Variants in CDH4 observed in about 807,000 individuals in gnomAD.
CDH4 encodes the protein cadherin 4.
In CDH4, 33 loss-of-function variants were observed where a neutral mutation model predicts 86.0. That is an observed-to-expected ratio of 0.38 (90% CI 0.29 to 0.51). CDH4 has a LOEUF of 0.51. Among genes scored for constraint, CDH4 ranks in the 20% least tolerant of loss-of-function variants. The pLI is 0.86. For synonymous variants in CDH4, 555 were observed against 549.4 expected (o/e 1.01, Z -0.14); for missense variants, 1,114 against 1,307.4 (o/e 0.85, Z 2.28).
intron 13 of CDH4, among the ~76,000 whole-genome samples, chr20:61,932,489 TAC>T (rs1466451951): frequency 4.6e-5 from 7 of 151,926 alleles, no homozygotes; most frequent in Admixed American, 6.5e-5. Context: ...CCCATGAGCA[TAC>T]ACAGACACAC....
At chr20:61,387,699 C>T (rs2084959675) in intron 2 of CDH4, among the ~76,000 whole-genome samples, 2 of 152,342 alleles carry the variant, frequency 1.3e-5, no homozygotes, top group South Asian at 4.1e-4. Context: ...ATCACAGTGG[C>T]TCGTGGCTCA....
intron 2 of CDH4, among the ~76,000 whole-genome samples, chr20:61,650,267 A>C (rs2087107510): frequency 6.6e-6 from 1 of 152,060 alleles, no homozygotes; most frequent in Non-Finnish European, 1.5e-5. Context: ...GTCACCGCTG[A>C]CCTCGTTTAC....
At chr20:61,629,337 G>A (rs1010210595) in intron 2 of CDH4, among the ~76,000 whole-genome samples, 29 of 152,296 alleles carry the variant, frequency 1.9e-4, no homozygotes, top group African/African-American at 5.8e-4. Context: ...GGGAGCAGCC[G>A]GCAGGGAGAG....
chr20:61,735,705 C>T (rs897399163), intron 2 of CDH4, among the ~76,000 whole-genome samples: 5 of 152,222 alleles, frequency 3.3e-5, no homozygotes, highest in Non-Finnish European at 5.9e-5. Flanking sequence ...CCGTGGCTAA[C>T]GGGTCTTTGC....
intron 2 of CDH4, among the ~76,000 whole-genome samples, chr20:61,731,920 G>A (rs1005608451): frequency 1.3e-5 from 2 of 152,066 alleles, no homozygotes; most frequent in Non-Finnish European, 2.9e-5. Context: ...AACCCAGGTT[G>A]CCCCACCTGC....
chr20:61,488,152 G>T (rs1161032175), intron 2 of CDH4, among the ~76,000 whole-genome samples: 1 of 152,144 alleles, frequency 6.6e-6, no homozygotes, highest in African/African-American at 2.4e-5. Flanking sequence ...ATCTAACATC[G>T]CCGAGGAAGG....
At chr20:61,506,714 C>T (rs1360227511) in intron 2 of CDH4, among the ~76,000 whole-genome samples, 3 of 152,128 alleles carry the variant, frequency 2.0e-5, no homozygotes, top group African/African-American at 4.8e-5. Flanking sequence ...AGCGTAGGGT[C>T]GACCTGCACG....
intron 2 of CDH4, among the ~76,000 whole-genome samples, chr20:61,578,451 T>A (rs1191109435): frequency 6.6e-6 from 1 of 152,236 alleles, no homozygotes; most frequent in African/African-American, 2.4e-5. Flanking sequence ...TTTTCTCACG[T>A]CCCACTGGTT....
At chr20:61,710,343 A>G (rs926760322) in intron 2 of CDH4, among the ~76,000 whole-genome samples, 1 of 152,112 alleles carries the variant, frequency 6.6e-6, no homozygotes, top group African/African-American at 2.4e-5. Context: ...TCTGGGCCCC[A>G]ATGTGAAGGC....
intron 2 of CDH4, among the ~76,000 whole-genome samples, chr20:61,447,963 G>A (rs1474897876): frequency 6.6e-6 from 1 of 152,040 alleles, no homozygotes; most frequent in Non-Finnish European, 1.5e-5. Flanking sequence ...TCTGAAGCAT[G>A]AACTTACTTT....
rs770635958 is a variant in CDH4, at chr20:61,754,351, G to A, written c.396+10562G>A. Among the ~76,000 whole-genome samples, 89 of 152,032 alleles carry A rather than the reference G, an allele frequency of 5.9e-4. No homozygotes were observed. Among genetic ancestry groups the A allele is most frequent in the Non-Finnish European group, 1.6e-4 (11 of 67,978 alleles). On this transcript the variant is annotated intron_variant, in intron 3 of 15. Transcript: ENST00000614565. This position sits in a 1 kb window ranked among gnomAD's most constrained non-coding sequence, Gnocchi z 4.7. ...GTCCCCAGCCAGGGGTCCCGCCCAG[G>A]GCTCCAAATACCCCTGAATCCTCTT...
chr20:61,723,208 C>T (rs576161100), intron 2 of CDH4, among the ~76,000 whole-genome samples: 1 of 152,306 alleles, frequency 6.6e-6, no homozygotes, highest in East Asian at 1.9e-4. Context: ...TTCATGGAGC[C>T]CTGGTCAGCC....
chr20:61,571,773 C>A (rs2086343600), intron 2 of CDH4, among the ~76,000 whole-genome samples: 2 of 145,088 alleles, frequency 1.4e-5, no homozygotes, highest in East Asian at 2.2e-4. Context: ...CCACCCTTCC[C>A]CACCCCTTCC....
intron 6 of CDH4, among the ~76,000 whole-genome samples, chr20:61,859,508 A>C (rs1030217269): frequency 5.3e-5 from 8 of 152,226 alleles, no homozygotes; most frequent in Non-Finnish European, 1.2e-4. Flanking sequence ...TGGGTTTTCT[A>C]ACAGTTGTTT....
At position 61,829,213 on chromosome 20, in the gene CDH4, T is replaced by C. The variant is rs1045907946; in HGVS notation, c.577-15455T>C. Among the ~76,000 whole-genome samples, 5 of 152,232 alleles carry C rather than the reference T, an allele frequency of 3.3e-5. No individual in the cohort carries two copies. The highest frequency in any genetic ancestry group is 1.2e-4 in the African/African-American group (5 of 41,456). ...GCCAATAACGTACTTCCTGTCTCTA[T>C]GGATTTGCCTGTCCTGCATACTTTG... On this transcript the variant is annotated intron_variant, in intron 4 of 15. Transcript: ENST00000614565. The surrounding 1 kb of genome is among the most constrained non-coding windows in gnomAD (Gnocchi z 4.2).
At chr20:61,334,797 T>A (rs1458146429) in intron 2 of CDH4, among the ~76,000 whole-genome samples, 1 of 152,234 alleles carries the variant, frequency 6.6e-6, no homozygotes, top group Non-Finnish European at 1.5e-5. Context: ...GCTCAGTCTG[T>A]GAGGGTCATT....
At chr20:61,745,125 G>A (rs1272617215) in intron 3 of CDH4, among the ~76,000 whole-genome samples, 7 of 152,262 alleles carry the variant, frequency 4.6e-5, no homozygotes, top group Non-Finnish European at 1.0e-4. Flanking sequence ...CAAGGCGGCG[G>A]CCACTAGCAA....
At chr20:61,884,883 C>T (rs536682244) in intron 7 of CDH4, among the ~76,000 whole-genome samples, 8 of 152,174 alleles carry the variant, frequency 5.3e-5, no homozygotes, top group Middle Eastern at 3.4e-3. Flanking sequence ...GCGGGAGGTG[C>T]GGGGTTGGGA....
At chr20:61,667,455 C>T (rs2087339441) in intron 2 of CDH4, among the ~76,000 whole-genome samples, 1 of 152,248 alleles carries the variant, frequency 6.6e-6, no homozygotes, top group Admixed American at 6.5e-5. Flanking sequence ...CAGAAAGTGA[C>T]TTGGGACTCA....
Sources: gnomAD v4.1 joint callset for allele counts (sites outside exome capture counted in the v4.1 genomes callset) on GRCh38, gnomAD v4.1.1 for gene constraint, Gnocchi (gnomAD v3.1) non-coding constraint, MANE v1.5 for transcripts, NCBI Gene and HGNC (gene_info 2026-07-23, HGNC 2026-07-21) for gene names.